The following AGBL1 variants were observed in gnomAD, a reference collection of about 807,000 sequenced individuals.
AGBL1 encodes AGBL carboxypeptidase 1.
In AGBL1, 130 loss-of-function variants were observed where a neutral mutation model predicts 118.9. That is an observed-to-expected ratio of 1.09 (90% CI 0.95 to 1.26). The LOEUF (loss-of-function observed/expected upper bound fraction) is 1.26, where lower values mean the gene tolerates loss of function less well. Ranked by LOEUF, AGBL1 falls within the 50% of genes most tolerant of loss-of-function variation. The probability of loss-of-function intolerance (pLI) is 0.00; values close to 1 mark genes in which losing one functional copy is unlikely to be tolerated. For synonymous variants in AGBL1, 555 were observed against 478.9 expected, an observed-to-expected ratio of 1.16 and a Z score of -2.08; for missense variants, 1,584 against 1,298.1, an observed-to-expected ratio of 1.22 and a Z score of -3.38.
chr15:86,977,390 A>G lies in AGBL1; in HGVS notation c.3222-10597A>G, dbSNP rs1179068964. ...CTTATTGTTCCTTTTTCTTTATTAA[A>G]GTTTTTTTTTTTACTATTGTGATAC... is the stretch of plus-strand genomic sequence containing the variant. On this transcript the variant is annotated intron_variant, in intron 23 of 24. Coordinates refer to the AGBL1 transcript ENST00000441037. 2.0e-5 allele frequency among the ~76,000 whole-genome samples: 3 copies of G among 150,534 alleles called. No individual in the cohort carries two copies. In the East Asian group the frequency reaches 5.8e-4, roughly 29 times the overall value.
intron 5 of AGBL1, among the ~76,000 whole-genome samples, chr15:86,192,138 ACATGCACG>A (rs1337544665): frequency 1.3e-5 from 2 of 151,564 alleles, no homozygotes; most frequent in Non-Finnish European, 2.9e-5. Flanking sequence ...ACACCCACAC[ACATGCACG>A]CATGCACGTG....
intron 17 of AGBL1, among the ~76,000 whole-genome samples, chr15:86,338,878 C>G (rs1050654361): frequency 2.0e-5 from 3 of 152,204 alleles, no homozygotes; most frequent in East Asian, 3.9e-4. Context: ...CAGTCTTTCA[C>G]CATTATATGT....
chr15:86,933,004 G>T (rs752808739), intron 23 of AGBL1: 6 of 152,190 alleles, frequency 3.9e-5, no homozygotes, highest in Non-Finnish European at 8.8e-5. Flanking sequence ...GGCATAATTT[G>T]TGAATATGCA....
At position 86,113,214 on chromosome 15, in the gene AGBL1, TTTC is replaced by T. The variant is rs1229134145; in HGVS notation, c.52-28787_52-28785del. On this transcript the variant is annotated intron_variant, in intron 1 of 22. Transcript: ENST00000614907. ...CACCTCTTTATTTTTTCTTTTTCTT[TTTC>T]TTTTCTTTTCTTTTCTTTTCTTTTC... Among the ~76,000 whole-genome samples, 9 of 50,996 alleles carry T rather than the reference TTTC, an allele frequency of 1.8e-4. No individual in the cohort carries two copies. The South Asian group carries it at 5.7e-3, about 32-fold the overall frequency. The allele number at this position is 50,996 out of a possible 152,430, so 33.5% of individuals were successfully genotyped here. A position where few individuals can be genotyped will look rare whatever the true frequency, so the allele number is the denominator to read the frequency against.
At chr15:86,326,186 T>A (rs1216400627) in intron 17 of AGBL1, among the ~76,000 whole-genome samples, 8 of 152,182 alleles carry the variant, frequency 5.3e-5, no homozygotes, top group Non-Finnish European at 1.0e-4. Context: ...TGAGCTTTTT[T>A]TTTTCATTTT....
At chr15:86,102,991 G>T (rs1896824647) in intron 1 of AGBL1, among the ~76,000 whole-genome samples, 1 of 151,986 alleles carries the variant, frequency 6.6e-6, no homozygotes, top group African/African-American at 2.4e-5. Flanking sequence ...ATGTCATGTA[G>T]GGTTTGTTCA....
chr15:86,412,303 A>G (rs956117156), intron 18 of AGBL1, among the ~76,000 whole-genome samples: 3 of 152,282 alleles, frequency 2.0e-5, no homozygotes, highest in Non-Finnish European at 2.9e-5. Context: ...TAGCCAATCT[A>G]ATTTTATCCA....
intron 22 of AGBL1, among the ~76,000 whole-genome samples, chr15:86,725,008 T>C (rs1400063384): frequency 6.6e-6 from 1 of 151,958 alleles, no homozygotes; most frequent in African/African-American, 2.4e-5. Context: ...TTTATAGCAA[T>C]GCAAAAATGG....
intron 21 of AGBL1, among the ~76,000 whole-genome samples, chr15:86,635,300 C>CCCTCCTCCTCCTCCT (rs567443527): frequency 8.6e-5 from 4 of 46,422 alleles, no homozygotes; most frequent in Non-Finnish European, 1.1e-4. Flanking sequence ...CCTCCCCCTC[C>CCCTCCTCCTCCTCCT]CCTCCTCCTC....
chr15:86,581,631 C>T (rs28734973), intron 21 of AGBL1, among the ~76,000 whole-genome samples: 41 of 152,112 alleles, frequency 2.7e-4, no homozygotes, highest in Non-Finnish European at 5.9e-5. Context: ...TAACACTCCT[C>T]GGGCACTCTT....
At chr15:86,896,397 TAAA>T (rs79782840) in intron 22 of AGBL1, among the ~76,000 whole-genome samples, 11 of 146,634 alleles carry the variant, frequency 7.5e-5, no homozygotes, top group Admixed American at 2.0e-4. Context: ...ACCCTGGGTT[TAAA>T]AAAAAAAAAA....
At chr15:86,930,481 A>G (rs2080592104) in intron 23 of AGBL1, among the ~76,000 whole-genome samples, 1 of 152,140 alleles carries the variant, frequency 6.6e-6, no homozygotes, top group African/African-American at 2.4e-5. Flanking sequence ...GTAATTAACA[A>G]TAAGCAAGGG....
At chr15:86,142,192 C>A in intron 2 of AGBL1, 125 bp downstream of exon 2, 1 of 883,180 alleles carries the variant, frequency 1.1e-6, no homozygotes, top group Non-Finnish European at 1.7e-6. Context: ...GAGGCAGCAT[C>A]ACTAGCCCAT....
chr15:87,018,142 T>A (rs1028502183), intron 24 of AGBL1, among the ~76,000 whole-genome samples: 1 of 134,740 alleles, frequency 7.4e-6, no homozygotes, highest in Non-Finnish European at 1.5e-5. Flanking sequence ...GTGCCTACAA[T>A]GGATTGGGGT....
chr15:86,813,142 G>A (rs536079357), intron 22 of AGBL1, among the ~76,000 whole-genome samples: 1 of 152,068 alleles, frequency 6.6e-6, no homozygotes, highest in Non-Finnish European at 1.5e-5. Flanking sequence ...TCATGAAACA[G>A]CCTCGAACAC....
chr15:86,601,602 A>G (rs2084495125), intron 21 of AGBL1, among the ~76,000 whole-genome samples: 1 of 152,172 alleles, frequency 6.6e-6, no homozygotes, highest in Non-Finnish European at 1.5e-5. Flanking sequence ...TTCTGAAAAG[A>G]CAGATAAGCT....
rs539851170 is a variant in AGBL1 at position 86,613,955 on chromosome 15, T to C, written c.2994+59418T>C. On this transcript the variant is annotated intron_variant, in intron 21 of 22. Coordinates refer to ENST00000614907, the MANE Select transcript of AGBL1 (RefSeq NM_001386094.1). This position sits in a 1 kb window ranked among gnomAD's most constrained non-coding sequence, Gnocchi z 4.2. ...GATAGGTGGATTCCTTTCCATCTCC[T>C]AAGGGAGGTGGGGTAATGTGCTGCT... Among the ~76,000 whole-genome samples, 1 of 152,336 alleles carries C rather than the reference T, an allele frequency of 6.6e-6. No individual in the cohort carries two copies. Among genetic ancestry groups the C allele is most frequent in the East Asian group, 1.9e-4 (1 of 5,184 alleles).
intron 23 of AGBL1, among the ~76,000 whole-genome samples, chr15:86,944,457 T>G (rs1444135800): frequency 1.3e-5 from 2 of 152,116 alleles, no homozygotes; most frequent in Non-Finnish European, 2.9e-5. Context: ...ATGGCACCAT[T>G]CGGGGAACAT....
intron 22 of AGBL1, among the ~76,000 whole-genome samples, chr15:86,799,099 A>G (rs1567179245): frequency 6.6e-6 from 1 of 152,036 alleles, no homozygotes; most frequent in Non-Finnish European, 1.5e-5. Flanking sequence ...AGTCCTATCT[A>G]GTAAGACAGT....
Sources: allele counts gnomAD v4.1 joint callset (sites outside exome capture counted in the v4.1 genomes callset), GRCh38; gene constraint gnomAD v4.1.1; non-coding constraint Gnocchi (gnomAD v3.1); transcripts MANE v1.5; gene names NCBI Gene and HGNC (gene_info 2026-07-23, HGNC 2026-07-21).